The following PHF24 variants were observed in gnomAD, a reference collection of about 807,000 sequenced individuals.
PHF24 encodes the protein Galpha inhibitory interacting protein.
In PHF24, 25 loss-of-function variants were observed where a neutral mutation model predicts 42.6. The observed-to-expected ratio is 0.59, with a 90% CI of 0.43 to 0.82. The LOEUF (loss-of-function observed/expected upper bound fraction) is 0.82. Ranked by LOEUF, PHF24 falls within the 40% of genes least tolerant of loss-of-function variation. The pLI is 0.00. For missense variants in PHF24, 470 were observed against 538.1 expected, an observed-to-expected ratio of 0.87 and a Z score of 1.25; for synonymous variants, 185 against 204.8, an observed-to-expected ratio of 0.90 and a Z score of 0.83.
chr9:34,743,748 T>C, the PHF24 span, among the ~76,000 whole-genome samples: 1 of 152,190 alleles, frequency 6.6e-6, no homozygotes, highest in Non-Finnish European at 1.5e-5. Context: ...GGTTGGTCCC[T>C]TTCCCACCCT....
At chr9:34,742,516 C>A in the PHF24 span, among the ~76,000 whole-genome samples, 44 of 152,186 alleles carry the variant, frequency 2.9e-4, no homozygotes, top group Non-Finnish European at 3.2e-4. Flanking sequence ...TTACGGTTGT[C>A]ACACCATCAC....
At chr9:34,677,389 G>GTTT in the PHF24 span, among the ~76,000 whole-genome samples, 361 of 79,762 alleles carry the variant, frequency 4.5e-3, 13 homozygotes, top group Non-Finnish European at 5.3e-3. Flanking sequence ...TTTGTAAACT[G>GTTT]TTTTTTTTTT....
chr9:34,738,751 A>G, the PHF24 span, among the ~76,000 whole-genome samples: 1 of 152,176 alleles, frequency 6.6e-6, no homozygotes, highest in Non-Finnish European at 1.5e-5. Flanking sequence ...TTCTGATATA[A>G]GAGACGGGAT....
chr9:34,767,464 T>C, the PHF24 span, among the ~76,000 whole-genome samples: 251 of 152,336 alleles, frequency 1.6e-3, no homozygotes, highest in African/African-American at 5.9e-3. Context: ...CAGACTGCTG[T>C]GCTAGCAATC....
chr9:34,913,256 GGT>G, the PHF24 span, among the ~76,000 whole-genome samples: 1 of 152,048 alleles, frequency 6.6e-6, no homozygotes, highest in Non-Finnish European at 1.5e-5. Flanking sequence ...GAAAAAGATT[GGT>G]GTAGAAAATA....
the PHF24 span, among the ~76,000 whole-genome samples, chr9:34,881,512 A>G: frequency 6.6e-6 from 1 of 152,360 alleles, no homozygotes; most frequent in African/African-American, 2.4e-5. Flanking sequence ...GACGCAATAA[A>G]AAATGATAAA....
At chr9:34,923,758 T>TA in the PHF24 span, among the ~76,000 whole-genome samples, 1 of 152,090 alleles carries the variant, frequency 6.6e-6, no homozygotes, top group Non-Finnish European at 1.5e-5. Flanking sequence ...GTTTATCTTT[T>TA]AAAAAAACAA....
the PHF24 span, among the ~76,000 whole-genome samples, chr9:34,919,408 A>C: frequency 2.0e-5 from 3 of 152,162 alleles, no homozygotes; most frequent in African/African-American, 7.2e-5. Context: ...TATTTCTTCT[A>C]TCTAACTCTA....
intron 1 of PHF24, among the ~76,000 whole-genome samples, chr9:34,960,416 C>T (rs993976263): frequency 6.6e-6 from 1 of 152,118 alleles, no homozygotes; most frequent in Non-Finnish European, 1.5e-5. Flanking sequence ...CTACCTTGCG[C>T]GCAACTCAGT....
intron 3 of PHF24, among the ~76,000 whole-genome samples, chr9:34,975,777 C>T (rs1032471099): frequency 2.0e-5 from 3 of 151,780 alleles, no homozygotes; most frequent in Non-Finnish European, 2.9e-5. Flanking sequence ...GAGATGGAGC[C>T]GCTCTGCTTG....
At chr9:34,919,078 A>G in the PHF24 span, among the ~76,000 whole-genome samples, 47 of 152,334 alleles carry the variant, frequency 3.1e-4, no homozygotes, top group Non-Finnish European at 5.3e-4. Flanking sequence ...ATTCTTTAAA[A>G]TAGTTTTAAG....
At chr9:34,715,565 C>T in the PHF24 span, among the ~76,000 whole-genome samples, 1 of 152,132 alleles carries the variant, frequency 6.6e-6, no homozygotes, top group Non-Finnish European at 1.5e-5. Context: ...CAGTTCCAGT[C>T]CTCTGGGTGA....
chr9:34,913,908 G>A, the PHF24 span, among the ~76,000 whole-genome samples: 1 of 152,198 alleles, frequency 6.6e-6, no homozygotes, highest in Admixed American at 6.5e-5. Context: ...GGGAGAAGGA[G>A]TGTTAAAAGT....
chr9:34,871,920 G>A, the PHF24 span, among the ~76,000 whole-genome samples: 2 of 152,158 alleles, frequency 1.3e-5, no homozygotes, highest in African/African-American at 4.8e-5. Flanking sequence ...CCATAAAATA[G>A]CTGCTGGAAT....
At chr9:34,818,007 A>C in the PHF24 span, among the ~76,000 whole-genome samples, 14 of 152,338 alleles carry the variant, frequency 9.2e-5, no homozygotes, top group Admixed American at 2.0e-4. Flanking sequence ...TTCATTGATA[A>C]TACATAGATA....
the PHF24 span, among the ~76,000 whole-genome samples, chr9:34,783,361 C>T: frequency 1.1e-4 from 17 of 152,314 alleles, no homozygotes; most frequent in African/African-American, 4.1e-4. Context: ...ACCATTTACT[C>T]CTACACAGCT....
the PHF24 span, among the ~76,000 whole-genome samples, chr9:34,942,655 G>A: frequency 6.6e-6 from 1 of 152,132 alleles, no homozygotes; most frequent in Non-Finnish European, 1.5e-5. Context: ...TTTACTGATT[G>A]GAATTGAAAA....
At chr9:34,932,190 A>G in the PHF24 span, among the ~76,000 whole-genome samples, 6 of 152,162 alleles carry the variant, frequency 3.9e-5, no homozygotes, top group African/African-American at 1.4e-4. Flanking sequence ...AACATAGCCA[A>G]TATTCCCCTG....
chr9:34,904,921 G>T, the PHF24 span, among the ~76,000 whole-genome samples: 2 of 151,482 alleles, frequency 1.3e-5, no homozygotes, highest in African/African-American at 2.4e-5. Context: ...GCACTGACTG[G>T]ATTACACATT....
Sources: allele counts gnomAD v4.1 joint callset (sites outside exome capture counted in the v4.1 genomes callset), GRCh38; gene constraint gnomAD v4.1.1; transcripts MANE v1.5; gene names NCBI Gene and HGNC (gene_info 2026-07-23, HGNC 2026-07-21).